The following WDR70 variants were observed in gnomAD, a reference collection of about 807,000 sequenced individuals.
The protein encoded by WDR70 is WD repeat-containing protein 70.
WDR70 carries 53 observed loss-of-function variants against 88.6 expected under a neutral mutation model. The observed-to-expected ratio is 0.60, with a 90% CI of 0.48 to 0.75. The LOEUF is 0.75. Among genes scored for constraint, WDR70 ranks in the 30% least tolerant of loss-of-function variants. The pLI, the probability that WDR70 is intolerant of heterozygous loss-of-function variation, is 0.00. For missense variants in WDR70, 610 were observed against 823.2 expected, an observed-to-expected ratio of 0.74 and a Z score of 3.17; for synonymous variants, 280 against 270.0, an observed-to-expected ratio of 1.04 and a Z score of -0.36.
chr5:37,427,102 C>T (rs1374269488), intron 5 of WDR70, among the ~76,000 whole-genome samples: 1 of 152,128 alleles, frequency 6.6e-6, no homozygotes, highest in Non-Finnish European at 1.5e-5. Context: ...TAAAAAGAAA[C>T]ACGTTGGCTG....
rs1042755423 is a variant in WDR70 at position 37,456,996 on chromosome 5, C to T, written c.686+13624C>T. On this transcript the variant is annotated intron_variant, in intron 7 of 17. Transcript: ENST00000265107. ...GTGCCAGTGAGGTACTATGTATTAC[C>T]TGTAAGACTGGCAAAAGTGAAGAGA... Among the ~76,000 whole-genome samples the T allele has an allele frequency of 1.4e-4, 22 of 152,130 alleles. 1 individual carries two copies. Among genetic ancestry groups the T allele is most frequent in the African/African-American group, 4.3e-4 (18 of 41,418 alleles).
intron 9 of WDR70, among the ~76,000 whole-genome samples, chr5:37,527,170 C>T (rs1741306910): frequency 6.6e-6 from 1 of 152,052 alleles, no homozygotes; most frequent in Admixed American, 6.6e-5. Context: ...AGCCCACATT[C>T]CCAAGATAAT....
intron 9 of WDR70, among the ~76,000 whole-genome samples, chr5:37,531,831 T>C (rs1304454764): frequency 1.3e-5 from 2 of 152,018 alleles, no homozygotes; most frequent in Non-Finnish European, 2.9e-5. Flanking sequence ...TTTTTTTTCA[T>C]TGTGCTATTG....
chr5:37,752,662 A>AT lies in WDR70; in HGVS notation c.*94dup. 6.3e-6 allele frequency: 6 copies of AT among 956,688 alleles called. No individual in the cohort carries two copies. Among genetic ancestry groups the AT allele is most frequent in the Non-Finnish European group, 9.5e-6 (6 of 632,260 alleles). 59.3% of individuals were successfully genotyped at this position (956,688 alleles called of 1,614,324 possible). A position where few individuals can be genotyped will look rare whatever the true frequency, so the allele number is the denominator to read the frequency against. On this transcript the variant is annotated 3_prime_UTR_variant, in exon 18 of 18. Coordinates refer to ENST00000265107, the MANE Select transcript of WDR70 (RefSeq NM_018034.4). ...TTTATGCTCATGAAATTAAAAATTCATTTTTATGAACAGGTTTTGTCCTTT... is the reference window on the plus strand; with the variant it reads ...TTTATGCTCATGAAATTAAAAATTCATTTTTTATGAACAGGTTTTGTCCTTT...
At chr5:37,426,795 CTTT>C (rs3038670) in intron 5 of WDR70, among the ~76,000 whole-genome samples, 2 of 144,134 alleles carry the variant, frequency 1.4e-5, no homozygotes, top group Non-Finnish European at 3.0e-5. Context: ...AATCTAGGTT[CTTT>C]TTTTTTTTTT....
intron 8 of WDR70, among the ~76,000 whole-genome samples, chr5:37,483,905 A>G (rs188331765): frequency 2.0e-5 from 3 of 149,422 alleles, no homozygotes; most frequent in Admixed American, 2.0e-4. Context: ...GATGCTCCTC[A>G]CCTCACAGAC....
intron 7 of WDR70, among the ~76,000 whole-genome samples, chr5:37,466,856 G>A (rs920444306): frequency 5.9e-5 from 9 of 152,110 alleles, no homozygotes; most frequent in African/African-American, 2.2e-4. Flanking sequence ...AGTTCTGTTG[G>A]ATAGTGCTGA....
chr5:37,735,994 T>C (rs1445198178), intron 17 of WDR70, among the ~76,000 whole-genome samples: 1 of 152,184 alleles, frequency 6.6e-6, no homozygotes, highest in African/African-American at 2.4e-5. Context: ...CCTAGCAATG[T>C]AACAGCCATG....
At chr5:37,619,928 T>TG (rs1194430259) in intron 10 of WDR70, 1 of 150,128 alleles carries the variant, frequency 6.7e-6, no homozygotes, top group African/African-American at 2.4e-5. Flanking sequence ...TTTTTTTTTT[T>TG]TTTTTTTTTT....
intron 7 of WDR70, among the ~76,000 whole-genome samples, chr5:37,463,680 A>G (rs1367685286): frequency 6.6e-6 from 1 of 152,178 alleles, no homozygotes; most frequent in Non-Finnish European, 1.5e-5. Context: ...TACTGGTTAG[A>G]TTGGCTTTCT....
At chr5:37,742,524 C>T (rs560957118) in intron 17 of WDR70, among the ~76,000 whole-genome samples, 1 of 152,172 alleles carries the variant, frequency 6.6e-6, no homozygotes, top group African/African-American at 2.4e-5. Flanking sequence ...TATTTTCTCC[C>T]ATTCTGCCTT....
intron 2 of WDR70, among the ~76,000 whole-genome samples, chr5:37,379,890 G>A (rs1012122058): frequency 2.0e-5 from 3 of 152,168 alleles, no homozygotes; most frequent in Admixed American, 6.5e-5. Flanking sequence ...TTCTAAAAGA[G>A]AGTGTAGTTT....
At position 37,723,334 on chromosome 5, in the gene WDR70, TGTGG is replaced by T. The variant is rs1747879246; in HGVS notation, c.1597+401_1597+404del. On this transcript the variant is annotated intron_variant, in intron 15 of 17. Coordinates refer to ENST00000265107, the MANE Select transcript of WDR70 (RefSeq NM_018034.4). ...ACAACTTAACTTTTAATCAGGGAAG[TGTGG>T]CGACCAGAGGAAGGGTCTCTTCCAG... 3 of 191,074 alleles carry T rather than the reference TGTGG, an allele frequency of 1.6e-5. No individual in the cohort carries two copies. The South Asian group carries it at 3.7e-4, about 23-fold the overall frequency. The allele number at this position is 191,074 out of a possible 1,614,324, so 11.8% of individuals were successfully genotyped here. A position where few individuals can be genotyped will look rare whatever the true frequency, so the allele number is the denominator to read the frequency against.
At chr5:37,588,506 C>T (rs1430917969) in intron 9 of WDR70, among the ~76,000 whole-genome samples, 1 of 152,052 alleles carries the variant, frequency 6.6e-6, no homozygotes, top group Non-Finnish European at 1.5e-5. Flanking sequence ...CCCCTTCGCT[C>T]ATCTTCCTTG....
chr5:37,688,920 C>T (rs934361747), intron 10 of WDR70, among the ~76,000 whole-genome samples: 6 of 152,114 alleles, frequency 3.9e-5, no homozygotes, highest in Admixed American at 6.5e-5. Context: ...CGGGGGAATT[C>T]CCTTTCCTAG....
chr5:37,661,286 G>A (rs6869762), intron 10 of WDR70, among the ~76,000 whole-genome samples: 10 of 152,272 alleles, frequency 6.6e-5, no homozygotes, highest in African/African-American at 2.4e-4. Flanking sequence ...CTTTGTGTCT[G>A]TAGGGGGTCT....
At chr5:37,685,973 G>A (rs1476166278) in intron 10 of WDR70, among the ~76,000 whole-genome samples, 2 of 152,164 alleles carry the variant, frequency 1.3e-5, no homozygotes, top group East Asian at 3.9e-4. Context: ...GATCTGCTAG[G>A]AGCGTGCCAG....
chr5:37,599,451 T>A (rs1743798763), intron 9 of WDR70, among the ~76,000 whole-genome samples: 1 of 152,208 alleles, frequency 6.6e-6, no homozygotes, highest in African/African-American at 2.4e-5. Flanking sequence ...TATCTAGACT[T>A]AGGAATGAAT....
At position 37,699,397 on chromosome 5, in the gene WDR70, A is replaced by G. The variant is rs1178557232; in HGVS notation, c.1192+1643A>G. Among the ~76,000 whole-genome samples, 9 of 37,398 alleles carry G rather than the reference A, an allele frequency of 2.4e-4. No homozygotes were observed. In the East Asian group the frequency reaches 9.2e-3, roughly 38 times the overall value. 24.5% of individuals were successfully genotyped at this position (37,398 alleles called of 152,430 possible). A position where few individuals can be genotyped will look rare whatever the true frequency, so the allele number is the denominator to read the frequency against. On this transcript the variant is annotated intron_variant, in intron 11 of 17. Transcript: ENST00000265107. ...TGTATATATATGTATGTGTGTATAT[A>G]TATATACACACACACACACACACAC...
Sources: allele counts gnomAD v4.1 joint callset (sites outside exome capture counted in the v4.1 genomes callset), GRCh38; gene constraint gnomAD v4.1.1; transcripts MANE v1.5; gene names NCBI Gene and HGNC (gene_info 2026-07-23, HGNC 2026-07-21).